The following BEND4 variants were observed in gnomAD, a reference collection of about 807,000 sequenced individuals.
The protein encoded by BEND4 is BEN domain-containing protein 4.
BEND4 carries 27 observed loss-of-function variants against 54.7 expected under a neutral mutation model. The observed-to-expected ratio is 0.49, with a 90% CI of 0.36 to 0.68. The LOEUF (loss-of-function observed/expected upper bound fraction) is 0.68. BEND4 is among the 30% of genes least tolerant of loss of function. The pLI, the probability that BEND4 is intolerant of heterozygous loss-of-function variation, is 0.00. For synonymous variants in BEND4, 327 were observed against 299.5 expected, an observed-to-expected ratio of 1.09 and a Z score of -0.95; for missense variants, 702 against 697.2, an observed-to-expected ratio of 1.01 and a Z score of -0.08.
chr4:42,135,605 T>C (rs752190041), intron 3 of BEND4, among the ~76,000 whole-genome samples: 7 of 151,918 alleles, frequency 4.6e-5, no homozygotes, highest in Non-Finnish European at 1.0e-4. Flanking sequence ...ACCCCGTCTC[T>C]ACTAAAAAAA....
At chr4:42,129,569 A>G (rs1720428132) in intron 3 of BEND4, among the ~76,000 whole-genome samples, 1 of 152,180 alleles carries the variant, frequency 6.6e-6, no homozygotes, top group African/African-American at 2.4e-5. Context: ...CAGAACAGAG[A>G]ACTCAAATAA....
rs1468005162 is a variant in BEND4 at position 42,117,632 on chromosome 4, C to A, written c.1491G>T (p.Gly497=). ...FSDAVGHARQ[G]RAVGTFLHNG... ...TGTGCAGGAAAGTCCCCACCGCCCGCCCCTGTCGGGCGTGACCGACAGCGT... is the reference window on the plus strand; with the variant it reads ...TGTGCAGGAAAGTCCCCACCGCCCGACCCTGTCGGGCGTGACCGACAGCGT... The change falls in exon 6 of 6, where the codon GGG becomes GGT. Residue 497 remains glycine (G), a synonymous_variant. Transcript: ENST00000502486. 4 of 1,612,418 alleles carry A rather than the reference C, an allele frequency of 2.5e-6. No homozygotes were observed. Among genetic ancestry groups the A allele is most frequent in the African/African-American group, 2.7e-5 (2 of 74,930 alleles).
rs557302008 is a variant in BEND4 at position 42,117,591 on chromosome 4, T to C, written c.1532A>G (p.Tyr511Cys). 3.1e-6 allele frequency: 5 copies of C among 1,613,370 alleles called. No homozygotes were observed. The South Asian group carries it at 4.4e-5, about 14-fold the overall frequency. Residue 511 changes from tyrosine to cysteine, a missense_variant, in exon 6 of 6, where the codon TAT (tyrosine) becomes TGT (cysteine). Transcript: ENST00000502486. ...AGAAGCCTGGTGATCGATCCCTTCATAAAATGAGCCACCGTTGTGCAGGAA... is the reference window on the plus strand; with the variant it reads ...AGAAGCCTGGTGATCGATCCCTTCACAAAATGAGCCACCGTTGTGCAGGAA... The part of the protein sequence containing the change: ...GTFLHNGGSF[Y>C]EGIDHQASQD...
chr4:42,125,685 G>A lies in BEND4; in HGVS notation c.1055-11C>T, dbSNP rs1288383756. ...CGGTCTGGCAGGGCACTGGGTGGAA[G>A]AAATGGCAACAATTACACATTGGCT... On this transcript the variant is annotated splice_polypyrimidine_tract_variant and intron_variant, in intron 3 of 5. Transcript: ENST00000502486. 2.6e-6 allele frequency: 4 copies of A among 1,556,674 alleles called. No homozygotes were observed. Among genetic ancestry groups the A allele is most frequent in the Non-Finnish European group, 3.5e-6 (4 of 1,144,084 alleles).
At chr4:42,148,409 T>C (rs543780970) in intron 2 of BEND4, among the ~76,000 whole-genome samples, 1 of 152,348 alleles carries the variant, frequency 6.6e-6, no homozygotes, top group Non-Finnish European at 1.5e-5. Flanking sequence ...CTAATATTCA[T>C]CCTGCTCAGT....
At chr4:42,148,186 G>T (rs1021454574) in intron 2 of BEND4, among the ~76,000 whole-genome samples, 6 of 152,068 alleles carry the variant, frequency 3.9e-5, no homozygotes, top group African/African-American at 1.4e-4. Flanking sequence ...GAAAATAGAA[G>T]TTAGAAAATC....
At chr4:42,133,285 G>A (rs1720570830) in intron 3 of BEND4, among the ~76,000 whole-genome samples, 1 of 152,144 alleles carries the variant, frequency 6.6e-6, no homozygotes, top group South Asian at 2.1e-4. Flanking sequence ...GGTTACAAAT[G>A]TTCCACTGGG....
At position 42,152,138 on chromosome 4, in the gene BEND4, C is replaced by T. The variant is rs370745219; in HGVS notation, c.6G>A (p.Glu2=). 118 of 1,243,678 alleles carry T rather than the reference C, an allele frequency of 9.5e-5. No individual in the cohort carries two copies. The African/African-American group carries it at 1.7e-3, about 18-fold the overall frequency. 77.0% of individuals were successfully genotyped at this position (1,243,678 alleles called of 1,614,324 possible). A position where few individuals can be genotyped will look rare whatever the true frequency, so the allele number is the denominator to read the frequency against. ...CCTCCTCTGCCGGCTGCATCTCTTCCTCCATCCGGCGCCTCGGGGCCGGTC... is the reference window on the plus strand; with the variant it reads ...CCTCCTCTGCCGGCTGCATCTCTTCTTCCATCCGGCGCCTCGGGGCCGGTC... M[E]EEMQPAEEGP... is the part of the protein sequence containing the mutation. Residue 2 remains glutamate, a synonymous_variant, in exon 2 of 6, where the codon GAG becomes GAA. Transcript: ENST00000502486.
intron 3 of BEND4, among the ~76,000 whole-genome samples, chr4:42,132,571 A>G (rs1456202880): frequency 2.0e-5 from 3 of 152,044 alleles, no homozygotes; most frequent in South Asian, 4.2e-4. Context: ...CAGCCTCCCA[A>G]GTAGCTGGGA....
chr4:42,147,269 G>A (rs1183071807), intron 2 of BEND4, among the ~76,000 whole-genome samples: 1 of 151,902 alleles, frequency 6.6e-6, no homozygotes, highest in Non-Finnish European at 1.5e-5. Context: ...CATTACATTC[G>A]GTGGAAAACA....
chr4:42,150,751 G>T (rs6821766), intron 2 of BEND4, among the ~76,000 whole-genome samples: 36 of 152,118 alleles, frequency 2.4e-4, no homozygotes, highest in Non-Finnish European at 5.0e-4. Flanking sequence ...CTGCTTTGCC[G>T]GGCAGCGCCC....
intron 3 of BEND4, 137 bp from the exon 4 acceptor site, chr4:42,125,811 T>A: frequency 1.7e-6 from 1 of 575,184 alleles, no homozygotes; most frequent in Non-Finnish European, 3.0e-6. Context: ...TGATCTCAGC[T>A]CACTGCAACC....
chr4:42,134,003 A>T (rs1720603047), intron 3 of BEND4, among the ~76,000 whole-genome samples: 1 of 152,214 alleles, frequency 6.6e-6, no homozygotes, highest in Non-Finnish European at 1.5e-5. Flanking sequence ...GAGTCTAGTG[A>T]ATTCTTCATT....
chr4:42,133,828 T>G (rs896150828), intron 3 of BEND4, among the ~76,000 whole-genome samples: 1 of 152,228 alleles, frequency 6.6e-6, no homozygotes, highest in Non-Finnish European at 1.5e-5. Context: ...CACTCCAGCC[T>G]GGGCAACAGA....
intron 3 of BEND4, among the ~76,000 whole-genome samples, chr4:42,138,548 GATTAAGGCTATCGA>G (rs1720775309): frequency 6.6e-6 from 1 of 152,166 alleles, no homozygotes; most frequent in Admixed American, 6.5e-5. Context: ...CCGTACTTGA[GATTAAGGCTATCGA>G]ACAGATTGTA....
intron 3 of BEND4, among the ~76,000 whole-genome samples, chr4:42,135,812 C>T (rs921185243): frequency 3.3e-5 from 5 of 152,018 alleles, no homozygotes; most frequent in African/African-American, 1.2e-4. Flanking sequence ...AAAAACATTC[C>T]TAGAGTATTA....
chr4:42,132,888 C>A (rs960764288), intron 3 of BEND4, among the ~76,000 whole-genome samples: 34 of 152,044 alleles, frequency 2.2e-4, no homozygotes, highest in Admixed American at 1.7e-3. Context: ...ACATGAGGAA[C>A]CAAAAATGAA....
rs1423514218 is a variant in BEND4, at chr4:42,112,063, A to G, written c.*5455T>C. On this transcript the variant is annotated 3_prime_UTR_variant, in exon 6 of 6. Transcript: ENST00000502486. ...TTTAGTAGTTTTTAGCAATACACAA[A>G]TATCAACTCTCCCTTGATGGCATAA... The G allele has an allele frequency of 6.6e-6, 1 of 152,200 alleles. No individual in the cohort carries two copies. Among genetic ancestry groups the G allele is most frequent in the Non-Finnish European group, 1.5e-5 (1 of 68,042 alleles). The allele number at this position is 152,200 out of a possible 1,614,324, so 9.4% of individuals were successfully genotyped here.
intron 2 of BEND4, 40 bp downstream of exon 2, chr4:42,151,617 C>A (rs1452991259): frequency 7.0e-7 from 1 of 1,428,582 alleles, no homozygotes; most frequent in South Asian, 1.5e-5. Flanking sequence ...CCGCTGCCCC[C>A]GGCCGTGGCG....
Sources: allele counts gnomAD v4.1 joint callset (sites outside exome capture counted in the v4.1 genomes callset), GRCh38; gene constraint gnomAD v4.1.1; transcripts MANE v1.5; gene names NCBI Gene and HGNC (gene_info 2026-07-23, HGNC 2026-07-21).